The following TTLL11 variants were observed in gnomAD, a reference collection of about 807,000 sequenced individuals.
TTLL11 encodes the protein tubulin polyglutamylase TTLL11.
In TTLL11, 42 loss-of-function variants were observed where a neutral mutation model predicts 51.7. That is an observed-to-expected ratio of 0.81 (90% CI 0.64 to 1.05). The LOEUF (loss-of-function observed/expected upper bound fraction) is 1.05, where lower values mean the gene tolerates loss of function less well. Among genes scored for constraint, TTLL11 ranks in the 50% least tolerant of loss-of-function variants. TTLL11 has a pLI of 0.00. For synonymous variants in TTLL11, 381 were observed against 383.5 expected, an observed-to-expected ratio of 0.99 and a Z score of 0.08; for missense variants, 799 against 940.4, an observed-to-expected ratio of 0.85 and a Z score of 1.97.
chr9:121,908,234 G>A (rs1283595845), intron 6 of TTLL11, among the ~76,000 whole-genome samples: 1 of 152,206 alleles, frequency 6.6e-6, no homozygotes, highest in Non-Finnish European at 1.5e-5. Flanking sequence ...GGAAGGCTGA[G>A]GGAATCCCAT....
chr9:121,855,042 C>T (rs1431710769), intron 8 of TTLL11, among the ~76,000 whole-genome samples: 2 of 152,118 alleles, frequency 1.3e-5, no homozygotes, highest in Non-Finnish European at 2.9e-5. Flanking sequence ...AAGGCAAGCC[C>T]ATTTGGGGAA....
intron 1 of TTLL11, among the ~76,000 whole-genome samples, chr9:122,088,610 A>G (rs922241504): frequency 7.9e-5 from 12 of 152,230 alleles, no homozygotes; most frequent in African/African-American, 2.4e-4. Context: ...AAACAATTGT[A>G]TATATGTAGA....
chr9:121,886,653 T>A (rs3860154), intron 6 of TTLL11, among the ~76,000 whole-genome samples: 16,657 of 152,226 alleles, frequency 0.11, 1,060 homozygotes, highest in Admixed American at 0.21. Context: ...TTGAGGTAAC[T>A]TTTTAGGCAG....
intron 8 of TTLL11, among the ~76,000 whole-genome samples, chr9:121,840,416 G>A (rs1665417625): frequency 6.6e-6 from 1 of 152,198 alleles, no homozygotes; most frequent in Non-Finnish European, 1.5e-5. Flanking sequence ...TTCTGAGACA[G>A]GGTCTCGCTT....
At position 122,026,909 on chromosome 9, in the gene TTLL11, TA is replaced by T. The variant is rs57149192; in HGVS notation, c.693+4813del. On this transcript the variant is annotated intron_variant, in intron 3 of 8. Transcript: ENST00000321582. ...GACAAATCCAAATGTAAGTTCATTC[TA>T]AAAAAAAAAAAAAAAAAAAAACTAG... 9.3e-3 allele frequency among the ~76,000 whole-genome samples: 1,110 copies of T among 119,894 alleles called. 12 individuals carry two copies. Among genetic ancestry groups the T allele is most frequent in the Middle Eastern group, 0.029 (6 of 206 alleles). The allele number at this position is 119,894 out of a possible 152,430, so 78.7% of individuals were successfully genotyped here.
In TTLL11 at chr9:121,995,341, G is replaced by A. The variant is rs992372671; in HGVS notation, c.694-5571C>T. On this transcript the variant is annotated intron_variant, in intron 3 of 8. Coordinates refer to ENST00000321582, the MANE Select transcript of TTLL11 (RefSeq NM_001139442.2). This position sits in a 1 kb window ranked among gnomAD's most constrained non-coding sequence, Gnocchi z 4.4. ...ATCCACGCATCACCAGGGCACCCAG[G>A]AGGAAGATAGTTTGGAAGGAATGAA... Among the ~76,000 whole-genome samples, 1 of 152,194 alleles carries A rather than the reference G, an allele frequency of 6.6e-6. No individual in the cohort carries two copies. The highest frequency in any genetic ancestry group is 1.5e-5 in the Non-Finnish European group (1 of 68,036).
chr9:122,063,683 G>A (rs1814427448), intron 1 of TTLL11, among the ~76,000 whole-genome samples: 2 of 152,196 alleles, frequency 1.3e-5, no homozygotes, highest in Non-Finnish European at 2.9e-5. Flanking sequence ...AGAAAAGCAT[G>A]CTAATGCTTA....
chr9:121,899,933 C>T (rs965155201), intron 6 of TTLL11, among the ~76,000 whole-genome samples: 1 of 152,164 alleles, frequency 6.6e-6, no homozygotes, highest in African/African-American at 2.4e-5. Context: ...TACATTGTAT[C>T]TTATTTAACT....
intron 6 of TTLL11, among the ~76,000 whole-genome samples, chr9:121,881,486 A>G (rs1838789776): frequency 6.6e-6 from 1 of 152,204 alleles, no homozygotes; most frequent in African/African-American, 2.4e-5. Flanking sequence ...ATTGCAGATG[A>G]CATCTGCACA....
intron 6 of TTLL11, among the ~76,000 whole-genome samples, chr9:121,914,166 A>T (rs1840240738): frequency 6.6e-6 from 1 of 152,228 alleles, no homozygotes; most frequent in African/African-American, 2.4e-5. Context: ...CCTTGGGTCA[A>T]ACCAATTTGC....
chr9:121,912,337 G>A (rs1391054389), intron 6 of TTLL11, among the ~76,000 whole-genome samples: 1 of 152,118 alleles, frequency 6.6e-6, no homozygotes, highest in Non-Finnish European at 1.5e-5. Context: ...CCGGGTCCCC[G>A]AGGATGCACA....
chr9:122,000,105 G>A (rs1225166773), intron 3 of TTLL11, among the ~76,000 whole-genome samples: 2 of 152,176 alleles, frequency 1.3e-5, no homozygotes, highest in Non-Finnish European at 2.9e-5. Flanking sequence ...CTACTGTGCT[G>A]CATTCGCAGA....
chr9:121,975,443 G>C (rs764264682), intron 4 of TTLL11, among the ~76,000 whole-genome samples: 9 of 152,154 alleles, frequency 5.9e-5, no homozygotes, highest in Non-Finnish European at 1.0e-4. Context: ...TGGGCTTGGT[G>C]GCTCATTCCT....
intron 6 of TTLL11, among the ~76,000 whole-genome samples, chr9:121,909,843 G>A (rs1840053694): frequency 6.6e-6 from 1 of 152,152 alleles, no homozygotes; most frequent in African/African-American, 2.4e-5. Context: ...AAAGACTTGG[G>A]TAGAGCTGAG....
At chr9:121,855,716 CT>C (rs1837795823) in intron 8 of TTLL11, among the ~76,000 whole-genome samples, 1 of 152,208 alleles carries the variant, frequency 6.6e-6, no homozygotes, top group Admixed American at 6.5e-5. Context: ...TCAGGATTCC[CT>C]GCTTTGAGGA....
chr9:121,911,421 C>T (rs1237370953), intron 6 of TTLL11, among the ~76,000 whole-genome samples: 2 of 152,066 alleles, frequency 1.3e-5, no homozygotes, highest in East Asian at 1.9e-4. Flanking sequence ...ATTGACCCAG[C>T]AATCCCATTA....
intron 1 of TTLL11, among the ~76,000 whole-genome samples, chr9:122,059,070 C>T (rs1845372961): frequency 1.3e-5 from 2 of 152,124 alleles, no homozygotes; most frequent in South Asian, 4.1e-4. Context: ...AAATCTGATG[C>T]TTTCTCGGTG....
chr9:122,054,653 G>A (rs758830887), intron 1 of TTLL11, among the ~76,000 whole-genome samples: 5 of 152,050 alleles, frequency 3.3e-5, no homozygotes, highest in Non-Finnish European at 5.9e-5. Flanking sequence ...TTCAGCCCAT[G>A]GAAAAGAGTT....
chr9:122,005,882 C>CA (rs1843627791), intron 3 of TTLL11, among the ~76,000 whole-genome samples: 1 of 152,142 alleles, frequency 6.6e-6, no homozygotes, highest in Admixed American at 6.5e-5. Flanking sequence ...CCTGGAGTGC[C>CA]ACACAGACAG....
Sources: allele counts gnomAD v4.1 joint callset (sites outside exome capture counted in the v4.1 genomes callset), GRCh38; gene constraint gnomAD v4.1.1; non-coding constraint Gnocchi (gnomAD v3.1); transcripts MANE v1.5; gene names NCBI Gene and HGNC (gene_info 2026-07-23, HGNC 2026-07-21).